Variants in SLC35F4 observed in about 807,000 individuals in gnomAD.
SLC35F4 encodes chromosome 14 open reading frame 36.
Under a neutral mutation model 44.2 loss-of-function variants are expected in SLC35F4, and 24 were observed. That is an observed-to-expected ratio of 0.54 (90% CI 0.39 to 0.76). The LOEUF (loss-of-function observed/expected upper bound fraction) is 0.76. SLC35F4 is among the 30% of genes least tolerant of loss of function. The pLI, the probability that SLC35F4 is intolerant of heterozygous loss-of-function variation, is 0.00. For missense variants in SLC35F4, 562 were observed against 586.1 expected, an observed-to-expected ratio of 0.96 and a Z score of 0.42; for synonymous variants, 238 against 223.6, an observed-to-expected ratio of 1.06 and a Z score of -0.57.
intron 1 of SLC35F4, among the ~76,000 whole-genome samples, chr14:57,669,717 G>A (rs140829361): frequency 0.02 from 2,985 of 152,132 alleles, 102 homozygotes; most frequent in African/African-American, 0.068. Context: ...TTGATGTGCT[G>A]CTGGATTCGG....
At chr14:57,696,499 G>A (rs2075387096) in intron 1 of SLC35F4, among the ~76,000 whole-genome samples, 1 of 152,214 alleles carries the variant, frequency 6.6e-6, no homozygotes, top group Non-Finnish European at 1.5e-5. Context: ...CATTGTGGAA[G>A]ACAGTGTGGT....
intron 1 of SLC35F4, among the ~76,000 whole-genome samples, chr14:57,746,931 T>C (rs1305486682): frequency 2.6e-5 from 4 of 152,178 alleles, no homozygotes; most frequent in Admixed American, 1.3e-4. Flanking sequence ...CTTTGAGGTA[T>C]GGCCATCTAC....
intron 1 of SLC35F4, among the ~76,000 whole-genome samples, chr14:57,880,613 TACA>T (rs1888514457): frequency 6.6e-6 from 1 of 152,308 alleles, no homozygotes; most frequent in Non-Finnish European, 1.5e-5. Context: ...TCTCTGAAGA[TACA>T]ACATTTGGGC....
chr14:57,772,429 T>C lies in SLC35F4; in HGVS notation c.103+93294A>G, dbSNP rs145252996. ...CATGTGCTTGTTTGTTATATGGGTA[T>C]ATTGCATACTGGTGGGGATTGGGCT... On this transcript the variant is annotated intron_variant, in intron 1 of 7. Coordinates refer to ENST00000556826, the MANE Select transcript of SLC35F4 (RefSeq NM_001306087.2). 6.5e-3 allele frequency among the ~76,000 whole-genome samples: 993 copies of C among 152,316 alleles called. 12 individuals carry two copies. Among genetic ancestry groups the C allele is most frequent in the African/African-American group, 0.022 (920 of 41,568 alleles).
chr14:57,696,667 A>G (rs964027766), intron 1 of SLC35F4, among the ~76,000 whole-genome samples: 2 of 152,248 alleles, frequency 1.3e-5, no homozygotes, highest in Non-Finnish European at 2.9e-5. Flanking sequence ...GAACCAACTC[A>G]AATGCCCATC....
chr14:57,685,964 G>C (rs960636329), intron 1 of SLC35F4, among the ~76,000 whole-genome samples: 9 of 152,198 alleles, frequency 5.9e-5, no homozygotes, highest in Non-Finnish European at 1.3e-4. Flanking sequence ...TAAGTTATGA[G>C]AGTAGGTCTG....
At chr14:57,964,011 C>T (rs776634136) in intron 1 of SLC35F4, among the ~76,000 whole-genome samples, 7 of 152,132 alleles carry the variant, frequency 4.6e-5, no homozygotes, top group Non-Finnish European at 1.0e-4. Flanking sequence ...CATGAGCCAC[C>T]ATGCCCAGCC....
rs114421595 is a variant in SLC35F4, at chr14:57,713,406, C to T, written c.104-119282G>A. ...TCTGGTGGTTCTTTTCCTCTTTCTC[C>T]AGTTTTATTTCCCCTCCCCTATCCC... On this transcript the variant is annotated intron_variant, in intron 1 of 7. Coordinates refer to ENST00000556826, the MANE Select transcript of SLC35F4 (RefSeq NM_001306087.2). Among the ~76,000 whole-genome samples the T allele has an allele frequency of 2.0e-3, 302 of 152,214 alleles. 2 individuals are homozygous for T. The highest frequency in any genetic ancestry group is 7.0e-3 in the African/African-American group (289 of 41,522).
rs553387226 is a variant in SLC35F4, at chr14:57,914,214, G to A, written n.282+67699C>T. On this transcript the variant is annotated intron_variant and non_coding_transcript_variant, in intron 1 of 1. Transcript: ENST00000556568. ...TCATCCCGTGGTGAAAGGTAAGAAGGTAGAAGCAGTCACACAGGACAGAGC... is the reference window on the plus strand; with the variant it reads ...TCATCCCGTGGTGAAAGGTAAGAAGATAGAAGCAGTCACACAGGACAGAGC... Among the ~76,000 whole-genome samples, 29 of 152,262 alleles carry A rather than the reference G, an allele frequency of 1.9e-4. No individual in the cohort carries two copies. The South Asian group carries it at 6.0e-3, about 32-fold the overall frequency.
rs754718298 is a variant in SLC35F4, at chr14:57,593,054, A to T, written c.289+885T>A. ...GGGCTAAAATTGGAAAGGTAGAAAGACAATCATACCACAAGTCATCCCACA... is the reference window on the plus strand; with the variant it reads ...GGGCTAAAATTGGAAAGGTAGAAAGTCAATCATACCACAAGTCATCCCACA... On this transcript the variant is annotated intron_variant, in intron 2 of 7. Coordinates refer to ENST00000556826, the MANE Select transcript of SLC35F4 (RefSeq NM_001306087.2). 1.2e-4 allele frequency among the ~76,000 whole-genome samples: 18 copies of T among 152,222 alleles called. 1 individual carries two copies. Among genetic ancestry groups the T allele is most frequent in the Non-Finnish European group, 2.6e-4 (18 of 68,038 alleles).
At chr14:57,962,646 T>C (rs904622130) in intron 1 of SLC35F4, among the ~76,000 whole-genome samples, 3 of 152,200 alleles carry the variant, frequency 2.0e-5, no homozygotes, top group Non-Finnish European at 2.9e-5. Flanking sequence ...AAGGTCATGA[T>C]TGAAACCGTG....
chr14:57,771,461 C>T (rs762071672), intron 1 of SLC35F4, among the ~76,000 whole-genome samples: 10 of 152,154 alleles, frequency 6.6e-5, no homozygotes, highest in South Asian at 4.2e-4. Flanking sequence ...AACTAGCAGG[C>T]GATATTTTCT....
chr14:57,650,470 T>C (rs534963624), intron 1 of SLC35F4, among the ~76,000 whole-genome samples: 3 of 152,264 alleles, frequency 2.0e-5, no homozygotes, highest in African/African-American at 7.2e-5. Context: ...TAGCAAGTTC[T>C]ACTGATTTGC....
intron 1 of SLC35F4, 136 bp downstream of exon 1, chr14:57,865,587 C>T: frequency 1.5e-6 from 1 of 657,240 alleles, no homozygotes; most frequent in Non-Finnish European, 2.4e-6. Flanking sequence ...TCCCCGCCGC[C>T]AGGAAGGCGG....
At chr14:57,864,919 A>G (rs1887989318) in intron 1 of SLC35F4, among the ~76,000 whole-genome samples, 2 of 152,194 alleles carry the variant, frequency 1.3e-5, no homozygotes, top group Admixed American at 6.5e-5. Context: ...CTGCGAGCAG[A>G]GCACACCTCA....
At chr14:57,660,625 G>A (rs1878589084) in intron 1 of SLC35F4, among the ~76,000 whole-genome samples, 1 of 151,836 alleles carries the variant, frequency 6.6e-6, no homozygotes, top group South Asian at 2.1e-4. Context: ...TGATGGCATG[G>A]CACTTTTGAG....
chr14:57,720,276 G>T (rs1265726423), intron 1 of SLC35F4, among the ~76,000 whole-genome samples: 1 of 152,142 alleles, frequency 6.6e-6, no homozygotes, highest in East Asian at 1.9e-4. Flanking sequence ...TCATAATATA[G>T]GTTGGCCTGC....
intron 1 of SLC35F4, among the ~76,000 whole-genome samples, chr14:57,938,043 T>C (rs1433861443): frequency 6.6e-6 from 1 of 152,210 alleles, no homozygotes; most frequent in Non-Finnish European, 1.5e-5. Flanking sequence ...TGCGTCTTCC[T>C]TATCAATACT....
intron 1 of SLC35F4, among the ~76,000 whole-genome samples, chr14:57,805,229 A>G (rs1286281654): frequency 6.6e-6 from 1 of 152,244 alleles, no homozygotes; most frequent in Non-Finnish European, 1.5e-5. Flanking sequence ...TCAAAGACCT[A>G]GAACCAGAAA....
Sources: allele counts gnomAD v4.1 joint callset (sites outside exome capture counted in the v4.1 genomes callset), GRCh38; gene constraint gnomAD v4.1.1; transcripts MANE v1.5; gene names NCBI Gene and HGNC (gene_info 2026-07-23, HGNC 2026-07-21).